Variants in TBC1D5 observed in about 807,000 individuals in gnomAD.
TBC1D5 encodes the protein TBC1 domain family member 5, also known as TBC1 domain family, member 5.
Under a neutral mutation model 100.3 loss-of-function variants are expected in TBC1D5, and 75 were observed. The ratio of observed to expected loss-of-function variants is 0.75; its 90% CI spans 0.62 to 0.91. The LOEUF is 0.91. Among genes scored for constraint, TBC1D5 ranks in the 40% least tolerant of loss-of-function variants. The pLI is 0.00. For synonymous variants in TBC1D5, 323 were observed against 325.6 expected, an observed-to-expected ratio of 0.99 and a Z score of 0.09; for missense variants, 910 against 942.4, an observed-to-expected ratio of 0.97 and a Z score of 0.45.
At chr3:17,191,522 G>T (rs2125636335) in intron 18 of TBC1D5, among the ~76,000 whole-genome samples, 1 of 152,258 alleles carries the variant, frequency 6.6e-6, no homozygotes, top group African/African-American at 2.4e-5. Flanking sequence ...CACACATATG[G>T]GCATAGGCAC....
chr3:17,425,736 C>G lies in TBC1D5; in HGVS notation c.167+2714G>C, dbSNP rs544066807. On this transcript the variant is annotated intron_variant, in intron 4 of 21. Transcript: ENST00000253692. ...AGAATATACATTTCAGTGTCCAATT[C>G]AAGACTGAATTCAAAAGTTAATAAA... Among the ~76,000 whole-genome samples the G allele has an allele frequency of 7.0e-4, 107 of 152,250 alleles. 3 individuals are homozygous for G. In the South Asian group the frequency reaches 0.022, roughly 31 times the overall value.
At chr3:17,392,207 T>C (rs1237673332) in intron 8 of TBC1D5, among the ~76,000 whole-genome samples, 1 of 152,038 alleles carries the variant, frequency 6.6e-6, no homozygotes, top group Non-Finnish European at 1.5e-5. Context: ...CTTAGATTTT[T>C]TATTTTTTAT....
At chr3:17,615,921 G>C (rs574380556) in intron 2 of TBC1D5, among the ~76,000 whole-genome samples, 1 of 151,616 alleles carries the variant, frequency 6.6e-6, no homozygotes, top group Non-Finnish European at 1.5e-5. Context: ...ATTTCTTGCC[G>C]TCTGCTAGCT....
At chr3:17,596,700 CAAAAAAA>C (rs34625799) in intron 2 of TBC1D5, among the ~76,000 whole-genome samples, 45 of 44,936 alleles carry the variant, frequency 1.0e-3, no homozygotes, top group Non-Finnish European at 1.8e-3. Flanking sequence ...GACTCCATCT[CAAAAAAA>C]AAAAAAAAAA....
chr3:17,666,873 A>C (rs1258581846), intron 1 of TBC1D5, among the ~76,000 whole-genome samples: 2 of 152,202 alleles, frequency 1.3e-5, no homozygotes, highest in Non-Finnish European at 2.9e-5. Flanking sequence ...ATTCCAAAAT[A>C]GTAACATTAT....
At chr3:17,297,833 T>C (rs1373751716) in intron 14 of TBC1D5, among the ~76,000 whole-genome samples, 2 of 151,914 alleles carry the variant, frequency 1.3e-5, no homozygotes, top group African/African-American at 4.8e-5. Context: ...CCAGTGATCC[T>C]GCTGCCTTGG....
At chr3:17,714,903 C>A (rs1450966044) in intron 1 of TBC1D5, among the ~76,000 whole-genome samples, 4 of 152,134 alleles carry the variant, frequency 2.6e-5, no homozygotes, top group Admixed American at 2.6e-4. Context: ...ATTACAGGAT[C>A]CTTCAGGACA....
intron 1 of TBC1D5, among the ~76,000 whole-genome samples, chr3:17,636,143 C>T (rs1056709806): frequency 2.3e-4 from 35 of 151,808 alleles, no homozygotes; most frequent in African/African-American, 8.5e-4. Flanking sequence ...CAGTGAATTT[C>T]GCTGCTGTAC....
intron 1 of TBC1D5, among the ~76,000 whole-genome samples, chr3:17,720,299 A>C (rs1031452275): frequency 1.3e-5 from 2 of 152,230 alleles, no homozygotes; most frequent in African/African-American, 4.8e-5. Flanking sequence ...CAACATTTTT[A>C]AAATGATATC....
At chr3:17,265,235 C>T (rs867360723) in intron 15 of TBC1D5, among the ~76,000 whole-genome samples, 8 of 140,950 alleles carry the variant, frequency 5.7e-5, no homozygotes, top group African/African-American at 1.9e-4. Flanking sequence ...AAATGATAGT[C>T]ACAATTTTTA....
chr3:17,419,143 T>C lies in TBC1D5; in HGVS notation c.167+9307A>G, dbSNP rs151200213. ...ACAAAGACTCTCTGAAGGGCTCTTA[T>C]ACACATACGTCTGTAACAAAAACTT... On this transcript the variant is annotated intron_variant, in intron 4 of 21. Transcript: ENST00000253692. Among the ~76,000 whole-genome samples the C allele has an allele frequency of 1.2e-4, 18 of 152,332 alleles. No homozygotes were observed. The East Asian group carries it at 3.5e-3, about 29-fold the overall frequency.
chr3:17,386,767 C>T (rs1332583364), intron 8 of TBC1D5, among the ~76,000 whole-genome samples: 2 of 152,150 alleles, frequency 1.3e-5, no homozygotes, highest in Non-Finnish European at 2.9e-5. Context: ...GCCCAATTCA[C>T]GAATCGTTCA....
At chr3:17,725,514 T>C (rs1041855306) in intron 1 of TBC1D5, among the ~76,000 whole-genome samples, 3 of 152,112 alleles carry the variant, frequency 2.0e-5, no homozygotes, top group Non-Finnish European at 2.9e-5. Context: ...CTCAGTTTTA[T>C]AGGGAAGGAA....
intron 3 of TBC1D5, among the ~76,000 whole-genome samples, chr3:17,465,793 A>C (rs2095291035): frequency 6.6e-6 from 1 of 152,264 alleles, no homozygotes; most frequent in South Asian, 2.1e-4. Flanking sequence ...CTGTTGTCTA[A>C]CTAGTAAGAG....
upstream of TBC1D5, among the ~76,000 whole-genome samples, chr3:17,741,789 C>A (rs912917614): frequency 6.7e-6 from 1 of 149,164 alleles, no homozygotes; most frequent in Non-Finnish European, 1.5e-5. Flanking sequence ...CGGGATTTGC[C>A]CTCCCTGCGA....
At chr3:17,233,562 T>C in intron 17 of TBC1D5, 123 bp downstream of exon 18, 1 of 580,842 alleles carries the variant, frequency 1.7e-6, no homozygotes, top group Middle Eastern at 2.7e-4. Flanking sequence ...GGCTGAACAA[T>C]GGTAGTGAAT....
At chr3:17,586,098 A>G (rs546641986) in intron 2 of TBC1D5, among the ~76,000 whole-genome samples, 8 of 152,300 alleles carry the variant, frequency 5.3e-5, no homozygotes, top group Admixed American at 2.6e-4. Context: ...TGTGAAGAAA[A>G]ACAATGGACA....
chr3:17,331,953 G>A (rs1310510508), intron 13 of TBC1D5, among the ~76,000 whole-genome samples: 2 of 152,238 alleles, frequency 1.3e-5, no homozygotes, highest in African/African-American at 4.8e-5. Flanking sequence ...ATAGGCCATA[G>A]CAAAGAAGGA....
chr3:17,431,995 C>CG (rs2094454452), intron 3 of TBC1D5, among the ~76,000 whole-genome samples: 3 of 152,014 alleles, frequency 2.0e-5, no homozygotes, highest in Admixed American at 1.3e-4. Flanking sequence ...GATTTTTAAA[C>CG]TAGGTTAAGT....
Sources: gnomAD v4.1 joint callset for allele counts (sites outside exome capture counted in the v4.1 genomes callset) on GRCh38, gnomAD v4.1.1 for gene constraint, MANE v1.5 for transcripts, NCBI Gene and HGNC (gene_info 2026-07-23, HGNC 2026-07-21) for gene names.